Variants in CHD2 observed in about 807,000 individuals in gnomAD.
CHD2 encodes chromodomain helicase DNA binding protein 2, also known as ATP-dependent chromatin remodeler CHD2.
CHD2 carries 28 observed loss-of-function variants against 243.9 expected under a neutral mutation model. The observed-to-expected ratio is 0.11, with a 90% CI of 0.09 to 0.16. The LOEUF (loss-of-function observed/expected upper bound fraction) is 0.16, where lower values mean the gene tolerates loss of function less well. Among genes scored for constraint, CHD2 ranks in the 10% least tolerant of loss-of-function variants. CHD2 has a pLI of 1.00. For synonymous variants in CHD2, 775 were observed against 779.0 expected (o/e 0.99, Z 0.09); for missense variants, 1,386 against 2,209.8 (o/e 0.63, Z 7.47).
intron 13 of CHD2, among the ~76,000 whole-genome samples, chr15:92,949,478 A>G (rs749641633): frequency 4.6e-5 from 7 of 152,118 alleles, no homozygotes; most frequent in African/African-American, 1.7e-4. Context: ...CTTTAAATTA[A>G]TTTCCTACAG....
Position 93,009,244 on chromosome 15 carries a change from T to C in CHD2, c.4513T>C (p.Cys1505Arg). ...VQEQLEHTRNCLLKIGDRIAE... is the reference protein window; with the variant it reads ...VQEQLEHTRNRLLKIGDRIAE... The stretch of plus-strand genomic sequence containing the variant: ...AGAACAGCTGGAACACACCCGGAAC[T>C]GCCTGCTGAAAATCGGAGACCGGAT... Residue 1505 changes from cysteine (C) to arginine (R), a missense_variant, in exon 35 of 39, where the codon TGC becomes CGC. Cys to Arg is a radical substitution (Grantham distance 180, BLOSUM62 -3). Around this residue, in one of 19 missense-constraint regions of CHD2, gnomAD observed 42 missense variants for 47.6 expected, o/e 0.88. Transcript: ENST00000394196. The C allele has an allele frequency of 6.2e-7, 1 of 1,614,212 alleles. No homozygotes were observed. Among genetic ancestry groups the C allele is most frequent in the Admixed American group, 1.7e-5 (1 of 60,014 alleles).
At chr15:93,023,527 G>A (rs1486710097) in intron 38 of CHD2, among the ~76,000 whole-genome samples, 3 of 152,094 alleles carry the variant, frequency 2.0e-5, no homozygotes, top group Non-Finnish European at 4.4e-5. Flanking sequence ...TATGTGCCTG[G>A]GAGTGGAATT....
chr15:92,966,185 T>C (rs988997113), intron 16 of CHD2, among the ~76,000 whole-genome samples: 4 of 151,162 alleles, frequency 2.6e-5, no homozygotes, highest in African/African-American at 9.7e-5. Context: ...TGCCTCAGCC[T>C]CCTGAGTAGC....
intron 36 of CHD2, among the ~76,000 whole-genome samples, 185 bp downstream of exon 36, chr15:93,012,629 T>C (rs534244732): frequency 1.8e-4 from 28 of 152,350 alleles, no homozygotes; most frequent in Non-Finnish European, 3.4e-4. Flanking sequence ...TGGTTGAAAT[T>C]CTGACAAAGA....
At chr15:92,929,189 C>A in intron 5 of CHD2, 98 bp downstream of exon 5, 1 of 1,120,920 alleles carries the variant, frequency 8.9e-7, no homozygotes, top group South Asian at 1.4e-5. Context: ...ACTCCAGGTC[C>A]CTTAGTCTGC....
chr15:93,002,217 A>C lies in CHD2; in HGVS notation c.4178A>C (p.Lys1393Thr). The change falls in exon 33 of 39, where the codon AAG (lysine) becomes ACG (threonine). Residue 1393 changes from lysine to threonine, a missense_variant. Lys to Thr is a moderately conservative substitution (Grantham distance 78). Transcript: ENST00000394196. ...LEKSPMKKKQ[K>T]KKENKENKEK... ...AAAAGTCCAATGAAAAAAAAACAGAAGAAGAAAGAGAACAAGGAGAACAAG... is the reference window on the plus strand; with the variant it reads ...AAAAGTCCAATGAAAAAAAAACAGACGAAGAAAGAGAACAAGGAGAACAAG... 6.2e-7 allele frequency: 1 copy of C among 1,600,098 alleles called. No individual in the cohort carries two copies. The highest frequency in any genetic ancestry group is 8.5e-7 in the Non-Finnish European group (1 of 1,175,118).
rs2054208926 is a variant in CHD2 at position 92,998,093 on chromosome 15, G to T, written c.3886-406G>T. On this transcript the variant is annotated intron_variant, in intron 30 of 38. Transcript: ENST00000394196. This position sits in a 1 kb window ranked among gnomAD's most constrained non-coding sequence, Gnocchi z 5.1. ...AGATCATGTCCTGGCGTAGCTCAGT[G>T]CTCTCCGGCAATGCTCTAAGAAGCA... 1.4e-6 allele frequency: 1 copy of T among 724,378 alleles called. No individual in the cohort carries two copies. The highest frequency in any genetic ancestry group is 1.7e-6 in the Non-Finnish European group (1 of 585,816). The allele number at this position is 724,378 out of a possible 1,614,324, so 44.9% of individuals were successfully genotyped here. A position where few individuals can be genotyped will look rare whatever the true frequency, so the allele number is the denominator to read the frequency against.
intron 16 of CHD2, among the ~76,000 whole-genome samples, chr15:92,958,697 G>T (rs1207065129): frequency 6.6e-6 from 1 of 152,182 alleles, no homozygotes; most frequent in Non-Finnish European, 1.5e-5. Context: ...TGACTTTTCA[G>T]TGGTATGAAA....
intron 33 of CHD2, among the ~76,000 whole-genome samples, chr15:93,004,123 C>CAA (rs982331625): frequency 0.043 from 3,153 of 73,436 alleles, 124 homozygotes; most frequent in African/African-American, 0.13. Flanking sequence ...GAATCTGTCT[C>CAA]AAAAAAAAAA....
At chr15:93,004,540 C>G in intron 33 of CHD2, 77 bp from the exon 34 acceptor site, 1 of 1,370,396 alleles carries the variant, frequency 7.3e-7, no homozygotes, top group Non-Finnish European at 9.8e-7. Context: ...TTTAATAACA[C>G]AACATAGGTA....
chr15:93,015,298 C>G (rs568924728), intron 37 of CHD2, among the ~76,000 whole-genome samples: 2 of 152,192 alleles, frequency 1.3e-5, no homozygotes, highest in Admixed American at 6.5e-5. Flanking sequence ...AGGCTGGTCT[C>G]AAACTCCCGG....
At chr15:92,970,161 C>A (rs563709703) in intron 17 of CHD2, among the ~76,000 whole-genome samples, 1 of 151,798 alleles carries the variant, frequency 6.6e-6, no homozygotes, top group Admixed American at 6.6e-5. Context: ...AGCTTCAGTC[C>A]CTCTTCCCTC....
At chr15:92,923,846 G>A (rs1189893349) in intron 2 of CHD2, among the ~76,000 whole-genome samples, 2 of 152,170 alleles carry the variant, frequency 1.3e-5, no homozygotes, top group African/African-American at 4.8e-5. Context: ...TTACAGGCAT[G>A]AGCCACCGCG....
Position 92,997,205 on chromosome 15 carries a change from CA to C in CHD2, c.3735-43del, listed in dbSNP as rs1435675213. On this transcript the variant is annotated intron_variant, in intron 29 of 38. Transcript: ENST00000394196. The surrounding 1 kb of genome is among the most constrained non-coding windows in gnomAD (Gnocchi z 4.1). ...TTTTACTGTCTCTTCTTTAACATAC[CA>C]AAAAGGCCCCTCTTCTAATGTCTTC... 1 of 1,609,442 alleles carries C rather than the reference CA, an allele frequency of 6.2e-7. No individual in the cohort carries two copies. The highest frequency in any genetic ancestry group is 8.5e-7 in the Non-Finnish European group (1 of 1,178,458).
chr15:92,929,172 T>G lies in CHD2; in HGVS notation c.443+81T>G. The G allele has an allele frequency of 8.2e-6, 11 of 1,334,130 alleles. No individual in the cohort carries two copies. In the South Asian group the frequency reaches 1.3e-4, roughly 15 times the overall value. The allele number at this position is 1,334,130 out of a possible 1,614,324, so 82.6% of individuals were successfully genotyped here. ...TTCTAGGACTGCCTTCGTTGTGTCT[T>G]TAGTCTACTCCAGGTCCCTTAGTCT... On this transcript the variant is annotated intron_variant, in intron 5 of 38. Coordinates refer to ENST00000394196, the MANE Select transcript of CHD2 (RefSeq NM_001271.4).
At chr15:92,936,110 C>A (rs191840151) in intron 5 of CHD2, among the ~76,000 whole-genome samples, 318 of 152,190 alleles carry the variant, frequency 2.1e-3, no homozygotes, top group African/African-American at 6.6e-3. Context: ...CTCCACTGAC[C>A]GTCCGTGGAA....
chr15:92,971,424 G>T (rs2053839848), intron 17 of CHD2, among the ~76,000 whole-genome samples: 1 of 152,088 alleles, frequency 6.6e-6, no homozygotes, highest in African/African-American at 2.4e-5. Flanking sequence ...GTACATGTGT[G>T]TAAATATGTA....
chr15:92,947,275 A>T (rs1207448031), intron 12 of CHD2: 1 of 152,284 alleles, frequency 6.6e-6, no homozygotes, highest in Non-Finnish European at 1.5e-5. Context: ...TTTTAAGAGG[A>T]AGTTGTGGTT....
At chr15:92,937,715 A>G (rs887290061) in intron 6 of CHD2, 90 bp downstream of exon 6, 106 of 911,636 alleles carry the variant, frequency 1.2e-4, no homozygotes, top group Non-Finnish European at 1.7e-4. Context: ...GAGAGCTTTA[A>G]TGAGATGCAT....
Sources: allele counts gnomAD v4.1 joint callset (sites outside exome capture counted in the v4.1 genomes callset), GRCh38; gene constraint gnomAD v4.1.1; regional missense constraint gnomAD v4.1.1; non-coding constraint Gnocchi (gnomAD v3.1); transcripts MANE v1.5; gene names NCBI Gene and HGNC (gene_info 2026-07-23, HGNC 2026-07-21).